Variants in SFT2D1 observed in about 807,000 individuals in gnomAD.
The protein encoded by SFT2D1 is SFT2 domain containing 1, also known as vesicle transport protein SFT2A.
SFT2D1 carries 24 observed loss-of-function variants against 28.1 expected under a neutral mutation model. That is an observed-to-expected ratio of 0.85 (90% CI 0.62 to 1.20). SFT2D1 has a LOEUF of 1.20. Ranked by LOEUF, SFT2D1 falls within the 50% of genes most tolerant of loss-of-function variation. The probability of loss-of-function intolerance (pLI) is 0.00; values close to 1 mark genes in which losing one functional copy is unlikely to be tolerated. For missense variants in SFT2D1, 181 were observed against 190.9 expected, an observed-to-expected ratio of 0.95 and a Z score of 0.31; for synonymous variants, 82 against 73.7, an observed-to-expected ratio of 1.11 and a Z score of -0.58.
intron 1 of SFT2D1, among the ~76,000 whole-genome samples, chr6:166,341,657 T>C (rs1043414581): frequency 6.6e-6 from 1 of 152,112 alleles, no homozygotes; most frequent in Non-Finnish European, 1.5e-5. Flanking sequence ...CAATTCAATT[T>C]TAAACGTCCA....
At chr6:166,335,694 C>T (rs181009166) in intron 1 of SFT2D1, among the ~76,000 whole-genome samples, 1 of 152,260 alleles carries the variant, frequency 6.6e-6, no homozygotes, top group East Asian at 1.9e-4. Flanking sequence ...TTCACAAAAC[C>T]AAGGTGGCTA....
At chr6:166,324,622 A>G (rs1384581113) in intron 5 of SFT2D1, 27 bp from the exon 6 acceptor site, 2 of 1,599,898 alleles carry the variant, frequency 1.3e-6, no homozygotes, top group Non-Finnish European at 1.7e-6. Context: ...CAGAGCAATT[A>G]TGAGTTTCAA....
At chr6:166,337,042 C>CA (rs780025840) in intron 1 of SFT2D1, among the ~76,000 whole-genome samples, 7 of 152,242 alleles carry the variant, frequency 4.6e-5, no homozygotes, top group Non-Finnish European at 8.8e-5. Context: ...CAGGCAATTA[C>CA]ACAGGCTCTA....
chr6:166,328,642 T>C (rs1321001093), intron 3 of SFT2D1, among the ~76,000 whole-genome samples: 1 of 152,192 alleles, frequency 6.6e-6, no homozygotes, highest in Non-Finnish European at 1.5e-5. Flanking sequence ...TCAAAGGCCC[T>C]TGGAGGAGAG....
chr6:166,330,918 G>A (rs898270406), intron 1 of SFT2D1, among the ~76,000 whole-genome samples: 6 of 152,222 alleles, frequency 3.9e-5, no homozygotes, highest in Non-Finnish European at 2.9e-5. Context: ...GCACCAGACG[G>A]TACCCGTTCT....
Position 166,320,130 on chromosome 6 carries a change from T to C in SFT2D1, c.*87A>G. ...CGGTCTTCAACTGTCACGTCAGTTG[T>C]TCCTGGAGTGTTTTATGGGGAAAAG... On this transcript the variant is annotated 3_prime_UTR_variant, in exon 8 of 8. Coordinates refer to ENST00000361731, the MANE Select transcript of SFT2D1 (RefSeq NM_145169.3). 3 of 1,263,134 alleles carry C rather than the reference T, an allele frequency of 2.4e-6. No homozygotes were observed. Among genetic ancestry groups the C allele is most frequent in the Non-Finnish European group, 3.4e-6 (3 of 873,168 alleles). The allele number at this position is 1,263,134 out of a possible 1,614,324, so 78.2% of individuals were successfully genotyped here.
In SFT2D1 at chr6:166,326,115, G is replaced by A; in HGVS notation, c.351+17C>T. 1 of 1,613,106 alleles carries A rather than the reference G, an allele frequency of 6.2e-7. No homozygotes were observed. Among genetic ancestry groups the A allele is most frequent in the Non-Finnish European group, 8.5e-7 (1 of 1,179,182 alleles). On this transcript the variant is annotated intron_variant, in intron 5 of 7. Coordinates refer to ENST00000361731, the MANE Select transcript of SFT2D1 (RefSeq NM_145169.3). ...GCACACAGTTAACTGAAAGCCAGTA[G>A]GGCTGACATAACTTACCCAAAGAGC...
At chr6:166,339,449 A>T (rs1220582716) in intron 1 of SFT2D1, among the ~76,000 whole-genome samples, 2 of 152,186 alleles carry the variant, frequency 1.3e-5, no homozygotes, top group Non-Finnish European at 2.9e-5. Flanking sequence ...TTCCTTGGGA[A>T]AATGACATGT....
At chr6:166,341,386 T>G (rs912127537) in intron 1 of SFT2D1, among the ~76,000 whole-genome samples, 1 of 149,682 alleles carries the variant, frequency 6.7e-6, no homozygotes, top group Non-Finnish European at 1.5e-5. Context: ...GAGGCAGAGG[T>G]TGCAGCGAGT....
intron 1 of SFT2D1, among the ~76,000 whole-genome samples, chr6:166,335,815 AG>A (rs1778639197): frequency 6.6e-6 from 1 of 152,238 alleles, no homozygotes; most frequent in South Asian, 2.1e-4. Context: ...GGGAAGCTAC[AG>A]GTTACAAGAG....
chr6:166,333,769 G>C (rs1406268705), intron 1 of SFT2D1, among the ~76,000 whole-genome samples: 1 of 152,100 alleles, frequency 6.6e-6, no homozygotes, highest in Non-Finnish European at 1.5e-5. Flanking sequence ...TTATCTCAAC[G>C]TCCATTTTAC....
intron 1 of SFT2D1, among the ~76,000 whole-genome samples, chr6:166,341,309 C>G (rs1778775970): frequency 6.6e-6 from 1 of 151,852 alleles, no homozygotes; most frequent in African/African-American, 2.4e-5. Context: ...ATTAGCAGGG[C>G]ATGGTGGCAG....
At chr6:166,337,620 G>A (rs1165942929) in intron 1 of SFT2D1, among the ~76,000 whole-genome samples, 1 of 152,126 alleles carries the variant, frequency 6.6e-6, no homozygotes, top group Non-Finnish European at 1.5e-5. Flanking sequence ...GGAACAGTGA[G>A]GGAAATAGAT....
chr6:166,327,552 G>T (rs993577128), intron 4 of SFT2D1, among the ~76,000 whole-genome samples: 3 of 152,140 alleles, frequency 2.0e-5, no homozygotes, highest in Non-Finnish European at 4.4e-5. Context: ...AGGGACAAAA[G>T]TCAGATGACA....
At chr6:166,324,735 G>T in intron 5 of SFT2D1, 140 bp from the exon 6 acceptor site, 2 of 772,654 alleles carry the variant, frequency 2.6e-6, no homozygotes, top group Non-Finnish European at 2.0e-6. Context: ...ATAAATTTAA[G>T]ATACAGTTGA....
intron 2 of SFT2D1, 130 bp downstream of exon 2, chr6:166,330,031 G>A: frequency 1.6e-6 from 1 of 623,756 alleles, no homozygotes; most frequent in Non-Finnish European, 2.6e-6. Flanking sequence ...CTTTATTTTA[G>A]TTTAATAAAT....
chr6:166,342,492 C>T lies in SFT2D1; in HGVS notation c.-11G>A, dbSNP rs762309344. 2 of 1,547,140 alleles carry T rather than the reference C, an allele frequency of 1.3e-6. No homozygotes were observed. Among genetic ancestry groups the T allele is most frequent in the Non-Finnish European group, 8.7e-7 (1 of 1,145,946 alleles). On this transcript the variant is annotated 5_prime_UTR_variant, in exon 1 of 8. Coordinates refer to ENST00000361731, the MANE Select transcript of SFT2D1 (RefSeq NM_145169.3). ...CCGCAGCTTCTCCATGGCCCTGTTA[C>T]AGGGCCGTAGCGGCCGCCACTCTGT...
chr6:166,331,879 G>T (rs1285679769), intron 1 of SFT2D1, among the ~76,000 whole-genome samples: 1 of 152,182 alleles, frequency 6.6e-6, no homozygotes, highest in Non-Finnish European at 1.5e-5. Flanking sequence ...TTAGTGAGAG[G>T]AAAAAGCATC....
At chr6:166,340,284 T>C (rs1778752016) in intron 1 of SFT2D1, among the ~76,000 whole-genome samples, 1 of 152,356 alleles carries the variant, frequency 6.6e-6, no homozygotes, top group South Asian at 2.1e-4. Flanking sequence ...CCTCTACAGT[T>C]TGTTCTCCAC....
Sources: allele counts gnomAD v4.1 joint callset (sites outside exome capture counted in the v4.1 genomes callset), GRCh38; gene constraint gnomAD v4.1.1; transcripts MANE v1.5; gene names NCBI Gene and HGNC (gene_info 2026-07-23, HGNC 2026-07-21).